SLA2: variants seen among roughly 807,000 people sequenced by gnomAD.
SLA2 encodes the protein Src like adaptor 2, also known as src-like-adapter 2.
A neutral mutation model predicts 27.3 loss-of-function variants in SLA2; 22 were observed. The observed-to-expected ratio is 0.81, with a 90% CI of 0.58 to 1.15. The LOEUF (loss-of-function observed/expected upper bound fraction) is 1.15. SLA2 is among the 50% of genes most tolerant of loss of function. The pLI, the probability that SLA2 is intolerant of heterozygous loss-of-function variation, is 0.00. For missense variants in SLA2, 304 were observed against 322.2 expected (o/e 0.94, Z 0.43); for synonymous variants, 131 against 137.8 (o/e 0.95, Z 0.34).
At chr20:36,619,634 C>CTT (rs746175162) in intron 5 of SLA2, among the ~76,000 whole-genome samples, 6 of 132,900 alleles carry the variant, frequency 4.5e-5, no homozygotes, top group African/African-American at 9.6e-5. Context: ...AAATTTTTTT[C>CTT]TTTTTTTTTT....
At chr20:36,623,518 A>G (rs574611160) in intron 5 of SLA2, among the ~76,000 whole-genome samples, 2 of 152,300 alleles carry the variant, frequency 1.3e-5, no homozygotes, top group East Asian at 3.9e-4. Context: ...CCAAAAAGCT[A>G]CTAGAACTAA....
At chr20:36,616,659 G>GCT (rs1157977020) in intron 5 of SLA2, among the ~76,000 whole-genome samples, 1 of 152,100 alleles carries the variant, frequency 6.6e-6, no homozygotes, top group East Asian at 1.9e-4. Flanking sequence ...TTAGAGCCAT[G>GCT]CTCTCGCTCT....
At chr20:36,633,479 G>A in intron 4 of SLA2, 64 bp downstream of exon 4, 2 of 1,374,434 alleles carry the variant, frequency 1.5e-6, no homozygotes, top group Non-Finnish European at 2.1e-6. Context: ...CGTGCACAAA[G>A]GGGAGTTCTT....
At chr20:36,614,826 C>T (rs1274737424) in intron 6 of SLA2, 1 of 985,314 alleles carries the variant, frequency 1.0e-6, no homozygotes, top group East Asian at 1.1e-4. Context: ...CCCCCTGACG[C>T]TGTGCCCAGT....
intron 1 of SLA2, 62 bp from the exon 2 acceptor site, chr20:36,641,440 C>T: frequency 1.1e-6 from 1 of 950,646 alleles, no homozygotes. Context: ...AGATACCTCT[C>T]CCTCCCCAGA....
At chr20:36,636,912 T>C (rs1311956919) in intron 2 of SLA2, among the ~76,000 whole-genome samples, 1 of 151,568 alleles carries the variant, frequency 6.6e-6, no homozygotes, top group Non-Finnish European at 1.5e-5. Context: ...GATGGCGCCA[T>C]TGCACTCCAG....
chr20:36,613,624 C>A lies in SLA2; in HGVS notation c.*242G>T. On this transcript the variant is annotated 3_prime_UTR_variant, in exon 8 of 8. Coordinates refer to ENST00000262866, the MANE Select transcript of SLA2 (RefSeq NM_032214.4). ...TTATTCTCTTTTTGGAACCCTGGCC[C>A]TGGTCCCACCTTCTCTGCACTCGCA... 2.3e-6 allele frequency: 1 copy of A among 429,080 alleles called. No homozygotes were observed. Among genetic ancestry groups the A allele is most frequent in the Non-Finnish European group, 4.1e-6 (1 of 241,718 alleles). 26.6% of individuals were successfully genotyped at this position (429,080 alleles called of 1,614,324 possible). A position where few individuals can be genotyped will look rare whatever the true frequency, so the allele number is the denominator to read the frequency against.
intron 5 of SLA2, chr20:36,621,108 C>T: frequency 2.7e-6 from 1 of 365,892 alleles, no homozygotes; most frequent in Non-Finnish European, 5.5e-6. Flanking sequence ...GTGATGGTGG[C>T]ATCAATGATG....
chr20:36,629,197 G>A lies in SLA2; in HGVS notation c.382+3398C>T, dbSNP rs2039368872. Among the ~76,000 whole-genome samples, 6 of 151,864 alleles carry A rather than the reference G, an allele frequency of 4.0e-5. No individual in the cohort carries two copies. The South Asian group carries it at 1.3e-3, about 32-fold the overall frequency. ...CTAGCCTTAGCCTCCTGAGTAGCTG[G>A]GATTACAGGCACCTGCCACCATGCC... On this transcript the variant is annotated intron_variant, in intron 5 of 7. Transcript: ENST00000262866.
intron 2 of SLA2, among the ~76,000 whole-genome samples, chr20:36,635,638 CCT>C (rs995489692): frequency 3.9e-5 from 6 of 152,224 alleles, no homozygotes; most frequent in Admixed American, 3.3e-4. Flanking sequence ...AGGGGTCTGT[CCT>C]CTGAGGTCTC....
chr20:36,637,343 C>T (rs2039462019), intron 2 of SLA2, among the ~76,000 whole-genome samples: 1 of 151,642 alleles, frequency 6.6e-6, no homozygotes, highest in Admixed American at 6.6e-5. Flanking sequence ...GCTGGGATTA[C>T]AGGCACCCAC....
chr20:36,616,039 A>G (rs1000234798), intron 5 of SLA2, among the ~76,000 whole-genome samples: 1 of 152,222 alleles, frequency 6.6e-6, no homozygotes, highest in Non-Finnish European at 1.5e-5. Flanking sequence ...ATTACAGAGC[A>G]TACATTCAGC....
chr20:36,619,891 C>A (rs1216784229), intron 5 of SLA2, among the ~76,000 whole-genome samples: 1 of 150,848 alleles, frequency 6.6e-6, no homozygotes, highest in East Asian at 2.1e-4. Flanking sequence ...CTCGGCCTCC[C>A]AAAGTGCTGG....
At chr20:36,620,467 G>T in intron 5 of SLA2, 1 of 227,758 alleles carries the variant, frequency 4.4e-6, no homozygotes. Flanking sequence ...TAAAACCATA[G>T]AAGTTATGGA....
rs555946900 is a variant in SLA2, at chr20:36,612,722, C to G, written c.*1144G>C. 4.8e-6 allele frequency: 1 copy of G among 207,120 alleles called. No individual in the cohort carries two copies. Among genetic ancestry groups the G allele is most frequent in the South Asian group, 7.7e-5 (1 of 12,948 alleles). The allele number at this position is 207,120 out of a possible 1,614,324, so 12.8% of individuals were successfully genotyped here. Reference sequence around the variant, plus strand: ...CTGTTTATGGAGGCAGCAGGGAAATCAAGGGCTGGATTTGGTGTAGGCTGT... The same window carrying G: ...CTGTTTATGGAGGCAGCAGGGAAATGAAGGGCTGGATTTGGTGTAGGCTGT... On this transcript the variant is annotated 3_prime_UTR_variant, in exon 8 of 8. Coordinates refer to ENST00000262866, the MANE Select transcript of SLA2 (RefSeq NM_032214.4).
chr20:36,634,473 A>C lies in SLA2; in HGVS notation c.191+17T>G, dbSNP rs764325218. ...TCTATTAGTGCATATTCAGGTATCC[A>C]GTGCCCATGGACTTACTCAGAGACG... On this transcript the variant is annotated intron_variant, in intron 3 of 7. Coordinates refer to ENST00000262866, the MANE Select transcript of SLA2 (RefSeq NM_032214.4). 1 of 1,576,214 alleles carries C rather than the reference A, an allele frequency of 6.3e-7. No homozygotes were observed. Among genetic ancestry groups the C allele is most frequent in the East Asian group, 2.3e-5 (1 of 44,000 alleles).
intron 2 of SLA2, among the ~76,000 whole-genome samples, chr20:36,637,058 T>C (rs2039457799): frequency 2.0e-5 from 3 of 152,110 alleles, no homozygotes; most frequent in Non-Finnish European, 4.4e-5. Context: ...TAATTCTTCT[T>C]TGGGGTAAGT....
chr20:36,619,244 G>C (rs1381178924), intron 5 of SLA2, among the ~76,000 whole-genome samples: 1 of 106,186 alleles, frequency 9.4e-6, no homozygotes. Flanking sequence ...AAAAAAAAAA[G>C]GCTGGGTGCG....
intron 5 of SLA2, among the ~76,000 whole-genome samples, chr20:36,616,545 G>T (rs1341976439): frequency 1.3e-5 from 2 of 152,042 alleles, no homozygotes; most frequent in African/African-American, 4.8e-5. Flanking sequence ...ATATTTGCCA[G>T]GCTGGTCTCG....
Sources: allele counts gnomAD v4.1 joint callset (sites outside exome capture counted in the v4.1 genomes callset), GRCh38; gene constraint gnomAD v4.1.1; transcripts MANE v1.5; gene names NCBI Gene and HGNC (gene_info 2026-07-23, HGNC 2026-07-21).